TMPRSS12: variants seen among roughly 807,000 people sequenced by gnomAD.
The protein encoded by TMPRSS12 is transmembrane protease serine 12.
TMPRSS12 carries 25 observed loss-of-function variants against 26.0 expected under a neutral mutation model. That is an observed-to-expected ratio of 0.96 (90% confidence interval 0.70 to 1.34). The LOEUF is 1.34. Ranked by LOEUF, TMPRSS12 falls within the 40% of genes most tolerant of loss-of-function variation. The pLI is 0.00. For synonymous variants in TMPRSS12, 150 were observed against 161.7 expected, an observed-to-expected ratio of 0.93 and a Z score of 0.55; for missense variants, 441 against 440.1, an observed-to-expected ratio of 1.00 and a Z score of -0.02.
intron 3 of TMPRSS12, among the ~76,000 whole-genome samples, chr12:50,861,597 C>T (rs1181402015): frequency 6.6e-6 from 1 of 151,996 alleles, no homozygotes. Context: ...GTTTAGGGCC[C>T]AGTACTTAAT....
At chr12:50,860,735 A>G (rs1438503544) in intron 3 of TMPRSS12, among the ~76,000 whole-genome samples, 1 of 150,294 alleles carries the variant, frequency 6.7e-6, no homozygotes, top group Non-Finnish European at 1.5e-5. Context: ...TCAGCCTCCC[A>G]AGTAGCTAGG....
intron 2 of TMPRSS12, among the ~76,000 whole-genome samples, chr12:50,856,091 T>G (rs1219279287): frequency 6.6e-6 from 1 of 152,152 alleles, no homozygotes; most frequent in African/African-American, 2.4e-5. Context: ...AACTAACTAT[T>G]GGGTACTATG....
rs747785172 is a variant in TMPRSS12, at chr12:50,885,387, G to T, written c.794G>T (p.Arg265Met). ...GDEDGAFDTC[R>M]GDSGGPLMCY... is the part of the protein sequence containing the mutation. ...GAAGATGGAGCTTTTGATACTTGCA[G>T]GGTAAGACCAAGTAATTTTCCTTTA... Residue 265 changes from arginine (R) to methionine (M), a missense_variant and splice_region_variant, in exon 4 of 5, where the codon AGG becomes ATG. Coordinates refer to ENST00000398458, the MANE Select transcript of TMPRSS12 (RefSeq NM_182559.3). 4 of 1,613,794 alleles carry T rather than the reference G, an allele frequency of 2.5e-6. No homozygotes were observed. Among genetic ancestry groups the T allele is most frequent in the Non-Finnish European group, 3.4e-6 (4 of 1,179,828 alleles).
chr12:50,843,135 A>AG lies in TMPRSS12; in HGVS notation c.175dup (p.Ala59GlyfsTer12). ...AGAGGCTCCGGCGGCGGAGGGAGGG[A>AG]GGGGCGCATGCAGAGGGCAGTACCT... On this transcript the variant is annotated frameshift_variant, in exon 1 of 5. Coordinates refer to ENST00000398458, the MANE Select transcript of TMPRSS12 (RefSeq NM_182559.3). LOFTEE classifies it high-confidence loss of function. The AG allele has an allele frequency of 6.4e-7, 1 of 1,567,686 alleles. No homozygotes were observed. Among genetic ancestry groups the AG allele is most frequent in the Non-Finnish European group, 8.7e-7 (1 of 1,155,934 alleles).
chr12:50,871,106 C>A (rs894251668), intron 3 of TMPRSS12, among the ~76,000 whole-genome samples: 3 of 151,990 alleles, frequency 2.0e-5, no homozygotes, highest in Non-Finnish European at 4.4e-5. Context: ...TTCTAAAATT[C>A]ATATGGAACC....
intron 3 of TMPRSS12, among the ~76,000 whole-genome samples, chr12:50,881,349 T>C (rs905847085): frequency 5.3e-5 from 8 of 152,144 alleles, no homozygotes; most frequent in Admixed American, 5.2e-4. Context: ...AGGAGGACTC[T>C]GTGAGGTGAA....
chr12:50,871,023 A>C (rs1275021140), intron 3 of TMPRSS12, among the ~76,000 whole-genome samples: 1 of 152,166 alleles, frequency 6.6e-6, no homozygotes, highest in Non-Finnish European at 1.5e-5. Flanking sequence ...CATACTGTCA[A>C]AAGCAATCTA....
At chr12:50,883,923 G>A (rs1401479572) in intron 3 of TMPRSS12, among the ~76,000 whole-genome samples, 1 of 152,090 alleles carries the variant, frequency 6.6e-6, no homozygotes, top group Non-Finnish European at 1.5e-5. Flanking sequence ...GATTGCTTGA[G>A]CCCAGGAGTT....
Position 50,858,801 on chromosome 12 carries a change from A to C in TMPRSS12, c.400A>C (p.Thr134Pro). ...TTCTTTCAGCGATCCTTTAATGTGG[A>C]CAGCTGTGATTGGAACTAATAATAT... is the stretch of plus-strand genomic sequence containing the variant. ...TKDASDPLMW[T>P]AVIGTNNIHG... The change falls in exon 3 of 5, where the codon ACA (threonine) becomes CCA (proline). Residue 134 changes from threonine (T) to proline (P), a missense_variant. Thr to Pro is a conservative substitution (Grantham distance 38, BLOSUM62 -1). Coordinates refer to ENST00000398458, the MANE Select transcript of TMPRSS12 (RefSeq NM_182559.3). 1 of 1,584,352 alleles carries C rather than the reference A, an allele frequency of 6.3e-7. No individual in the cohort carries two copies. The highest frequency in any genetic ancestry group is 8.6e-7 in the Non-Finnish European group (1 of 1,168,074).
intron 3 of TMPRSS12, among the ~76,000 whole-genome samples, chr12:50,869,720 T>A (rs1019512132): frequency 2.6e-5 from 4 of 152,120 alleles, no homozygotes; most frequent in Non-Finnish European, 5.9e-5. Flanking sequence ...AGACCACTAT[T>A]CCTGATGAAC....
At chr12:50,862,566 C>T (rs555508781) in intron 3 of TMPRSS12, among the ~76,000 whole-genome samples, 1 of 152,016 alleles carries the variant, frequency 6.6e-6, no homozygotes, top group African/African-American at 2.4e-5. Flanking sequence ...TGCTCTGTCA[C>T]CCAGGCTGGA....
At chr12:50,850,030 T>C (rs1937810534) in intron 2 of TMPRSS12, among the ~76,000 whole-genome samples, 1 of 152,216 alleles carries the variant, frequency 6.6e-6, no homozygotes, top group South Asian at 2.1e-4. Context: ...TGGTTTCACT[T>C]AGCATAATGC....
At chr12:50,883,986 G>A (rs966230237) in intron 3 of TMPRSS12, among the ~76,000 whole-genome samples, 1 of 151,890 alleles carries the variant, frequency 6.6e-6, no homozygotes, top group Non-Finnish European at 1.5e-5. Flanking sequence ...CAGGCAAGAG[G>A]GCAAGACCCT....
At chr12:50,854,663 C>G (rs1047870580) in intron 2 of TMPRSS12, among the ~76,000 whole-genome samples, 4 of 152,116 alleles carry the variant, frequency 2.6e-5, no homozygotes, top group Admixed American at 2.6e-4. Flanking sequence ...TTTCTATACA[C>G]CAATGAAGTC....
Position 50,843,079 on chromosome 12 carries a change from G to A in TMPRSS12, c.115G>A (p.Ala39Thr), listed in dbSNP as rs1471211911. ...HRLGPSPEPA[A>T]SSQQAEAVRK... is the part of the protein sequence containing the mutation. Reference sequence around the variant, plus strand: ...GCTCGGCCCCTCGCCGGAACCGGCGGCTAGTTCCCAGCAGGCTGAGGCCGT... The same window carrying A: ...GCTCGGCCCCTCGCCGGAACCGGCGACTAGTTCCCAGCAGGCTGAGGCCGT... The change falls in exon 1 of 5, where the codon GCT becomes ACT. Residue 39 changes from alanine to threonine, a missense_variant. Physicochemically the swap from Ala to Thr is moderately conservative, Grantham distance 58. Transcript: ENST00000398458. 6 of 1,586,788 alleles carry A rather than the reference G, an allele frequency of 3.8e-6. No homozygotes were observed. Among genetic ancestry groups the A allele is most frequent in the Non-Finnish European group, 5.1e-6 (6 of 1,167,104 alleles).
intron 3 of TMPRSS12, among the ~76,000 whole-genome samples, chr12:50,872,519 CAAAAAAA>C (rs778372099): frequency 2.0e-4 from 8 of 39,838 alleles, no homozygotes; most frequent in Non-Finnish European, 3.9e-4. Flanking sequence ...GACTCCGTCT[CAAAAAAA>C]AAAAAAAAAA....
chr12:50,854,619 TA>T (rs954272723), intron 2 of TMPRSS12, among the ~76,000 whole-genome samples: 3 of 151,022 alleles, frequency 2.0e-5, no homozygotes, highest in Non-Finnish European at 3.0e-5. Flanking sequence ...AACTTCAGGA[TA>T]AAAAAAAAGT....
chr12:50,859,098 G>T, intron 3 of TMPRSS12, 45 bp downstream of exon 3: 1 of 1,492,798 alleles, frequency 6.7e-7, no homozygotes, highest in South Asian at 1.4e-5. Flanking sequence ...TCCTGATTAT[G>T]GGCAGAGGAA....
At chr12:50,881,089 C>T (rs1363410428) in intron 3 of TMPRSS12, among the ~76,000 whole-genome samples, 1 of 148,860 alleles carries the variant, frequency 6.7e-6, no homozygotes, top group African/African-American at 2.5e-5. Context: ...TCAAGCAATC[C>T]TTCTGCCTCA....
Sources: allele counts gnomAD v4.1 joint callset (sites outside exome capture counted in the v4.1 genomes callset), GRCh38; gene constraint gnomAD v4.1.1; transcripts MANE v1.5; gene names NCBI Gene and HGNC (gene_info 2026-07-23, HGNC 2026-07-21).